NUP153: variants seen among roughly 807,000 people sequenced by gnomAD.
The protein encoded by NUP153 is nuclear pore complex protein Nup153.
NUP153 carries 27 observed loss-of-function variants against 134.6 expected under a neutral mutation model. The ratio of observed to expected loss-of-function variants is 0.20; its 90% CI spans 0.15 to 0.28. The LOEUF (loss-of-function observed/expected upper bound fraction) is 0.28, where lower values mean the gene tolerates loss of function less well. NUP153 is among the 10% of genes least tolerant of loss of function. The probability of loss-of-function intolerance (pLI) is 1.00; values close to 1 mark genes in which losing one functional copy is unlikely to be tolerated. For missense variants in NUP153, 1,821 were observed against 1,731.3 expected, an observed-to-expected ratio of 1.05 and a Z score of -0.92; for synonymous variants, 640 against 623.5, an observed-to-expected ratio of 1.03 and a Z score of -0.40.
chr6:17,649,378 T>A, intron 11 of NUP153, 78 bp from the exon 12 acceptor site: 1 of 1,370,662 alleles, frequency 7.3e-7, no homozygotes, highest in Non-Finnish European at 1.0e-6. Context: ...AGCATGAAAG[T>A]ATACAGGAAG....
At chr6:17,617,890 T>C (rs923151370) in intron 20 of NUP153, among the ~76,000 whole-genome samples, 8 of 152,088 alleles carry the variant, frequency 5.3e-5, no homozygotes, top group Non-Finnish European at 1.0e-4. Flanking sequence ...AATTCTCCTC[T>C]TCCACCGCAC....
chr6:17,639,961 A>G lies in NUP153; in HGVS notation c.1824T>C (p.Val608=). Residue 608 remains valine (V), a synonymous_variant, in exon 15 of 22, where the codon GTT becomes GTC. Transcript: ENST00000262077. The part of the protein sequence containing the change: ...RPAEILKEGS[V]LDILKSPGFA... ...TACCAGGGCTTTTCAGAATATCTAG[A>G]ACACTTCCTTCTTTCAGGATTTCTG... 6.2e-7 allele frequency: 1 copy of G among 1,610,794 alleles called. No homozygotes were observed. Among genetic ancestry groups the G allele is most frequent in the Non-Finnish European group, 8.5e-7 (1 of 1,178,904 alleles).
At chr6:17,702,887 T>C (rs1049328211) in intron 1 of NUP153, among the ~76,000 whole-genome samples, 34 of 125,714 alleles carry the variant, frequency 2.7e-4, no homozygotes, top group African/African-American at 4.3e-4. Context: ...CACAACTTCA[T>C]GCAAGATGAC....
chr6:17,687,575 A>T (rs1769010035), intron 2 of NUP153, among the ~76,000 whole-genome samples: 1 of 152,220 alleles, frequency 6.6e-6, no homozygotes, highest in Non-Finnish European at 1.5e-5. Context: ...CCATTCTTTC[A>T]GGGCCATTTC....
At chr6:17,644,157 C>G (rs764105863) in intron 14 of NUP153, among the ~76,000 whole-genome samples, 3 of 152,094 alleles carry the variant, frequency 2.0e-5, no homozygotes, top group Non-Finnish European at 2.9e-5. Flanking sequence ...AAAGATATTT[C>G]TTTAGCTTCT....
chr6:17,704,840 AGCTCC>A (rs776868910), intron 1 of NUP153, among the ~76,000 whole-genome samples: 5 of 151,854 alleles, frequency 3.3e-5, no homozygotes, highest in Non-Finnish European at 5.9e-5. Context: ...GCTCACGGCA[AGCTCC>A]GCCTCCCGGG....
chr6:17,695,132 T>C lies in NUP153; in HGVS notation c.112-6514A>G, dbSNP rs529185943. ...TAAATCTAGTAAAACTTAAAATAGC[T>C]TTAAATCTCACAAAATTCCCTTTAA... On this transcript the variant is annotated intron_variant, in intron 1 of 21. Coordinates refer to ENST00000262077, the MANE Select transcript of NUP153 (RefSeq NM_005124.4). Among the ~76,000 whole-genome samples the C allele has an allele frequency of 2.0e-5, 3 of 152,330 alleles. No individual in the cohort carries two copies. In the East Asian group the frequency reaches 5.8e-4, roughly 29 times the overall value.
At chr6:17,667,765 G>T (rs1767628172) in intron 8 of NUP153, among the ~76,000 whole-genome samples, 1 of 152,118 alleles carries the variant, frequency 6.6e-6, no homozygotes, top group African/African-American at 2.4e-5. Context: ...TTCCCTGAAG[G>T]ATGCTTAACC....
chr6:17,691,473 A>G (rs1769270120), intron 1 of NUP153, among the ~76,000 whole-genome samples: 1 of 152,084 alleles, frequency 6.6e-6, no homozygotes, highest in African/African-American at 2.4e-5. Context: ...ACAGTTTAAG[A>G]CAGACTTAAG....
chr6:17,668,860 T>C, intron 8 of NUP153, 115 bp downstream of exon 8: 1 of 697,762 alleles, frequency 1.4e-6, no homozygotes, highest in Non-Finnish European at 2.4e-6. Context: ...AAAAGAATAT[T>C]ATTTTTCAAA....
intron 16 of NUP153, among the ~76,000 whole-genome samples, chr6:17,635,099 C>CTTTTTTTTTTTTTTTTT (rs1765469923): frequency 7.4e-6 from 1 of 135,076 alleles, no homozygotes; most frequent in African/African-American, 2.7e-5. Flanking sequence ...CACAGCTTGG[C>CTTTTTTTTTTTTTTTTT]TTATCTTTTT....
intron 1 of NUP153, among the ~76,000 whole-genome samples, chr6:17,705,899 A>G (rs1189338544): frequency 6.6e-6 from 1 of 152,118 alleles, no homozygotes; most frequent in East Asian, 1.9e-4. Flanking sequence ...AAGGGCCATC[A>G]ACCACATCTT....
At position 17,625,731 on chromosome 6, in the gene NUP153, T is replaced by G; in HGVS notation, c.3901+77A>C. On this transcript the variant is annotated intron_variant, in intron 19 of 21. Coordinates refer to ENST00000262077, the MANE Select transcript of NUP153 (RefSeq NM_005124.4). This position sits in a 1 kb window ranked among gnomAD's most constrained non-coding sequence, Gnocchi z 4.7. ...CACCATTTTGTGATAACCTGCTATA[T>G]GATATTCGCTAAGAACTGACACACT... 8.2e-5 allele frequency: 91 copies of G among 1,110,788 alleles called. No individual in the cohort carries two copies. The highest frequency in any genetic ancestry group is 2.0e-4 in the Middle Eastern group (1 of 4,918). The allele number at this position is 1,110,788 out of a possible 1,614,324, so 68.8% of individuals were successfully genotyped here.
Position 17,638,875 on chromosome 6 carries a change from C to G in NUP153, c.1846+1064G>C, listed in dbSNP as rs921634140. Among the ~76,000 whole-genome samples the G allele has an allele frequency of 6.6e-5, 10 of 152,118 alleles. No homozygotes were observed. The highest frequency in any genetic ancestry group is 2.4e-4 in the African/African-American group (10 of 41,396). Reference sequence around the variant, plus strand: ...ATGGAACTGTCCAAGCTACTGGACTCCTGTAGGCAGTATACTTATCTATAA... The same window carrying G: ...ATGGAACTGTCCAAGCTACTGGACTGCTGTAGGCAGTATACTTATCTATAA... On this transcript the variant is annotated intron_variant, in intron 15 of 21. Transcript: ENST00000262077. The surrounding 1 kb of genome is among the most constrained non-coding windows in gnomAD (Gnocchi z 4.0).
At chr6:17,652,115 T>C (rs1210428734) in intron 11 of NUP153, among the ~76,000 whole-genome samples, 1 of 151,984 alleles carries the variant, frequency 6.6e-6, no homozygotes, top group Non-Finnish European at 1.5e-5. Context: ...AGTTGGCAAT[T>C]TTAACCCCCA....
chr6:17,689,273 G>A (rs1020393193), intron 1 of NUP153, among the ~76,000 whole-genome samples: 1 of 152,016 alleles, frequency 6.6e-6, no homozygotes, highest in African/African-American at 2.4e-5. Context: ...TATAATCCCA[G>A]CTACTCAGGA....
At chr6:17,655,664 G>C (rs764335277) in intron 11 of NUP153, among the ~76,000 whole-genome samples, 1 of 151,822 alleles carries the variant, frequency 6.6e-6, no homozygotes, top group Non-Finnish European at 1.5e-5. Context: ...ATGTTGGCCA[G>C]GCTGGTCTCG....
At chr6:17,622,173 G>A (rs951026902) in intron 20 of NUP153, among the ~76,000 whole-genome samples, 3 of 152,066 alleles carry the variant, frequency 2.0e-5, no homozygotes, top group Admixed American at 6.6e-5. Context: ...ATCTTGGCTG[G>A]GCACAGTAGC....
rs776389532 is a variant in NUP153, at chr6:17,675,811, A to C, written c.335-41T>G. ...TTAATATTATGAATATACAACTTAG[A>C]GCGATACACTACCACAAATGGTTTT... On this transcript the variant is annotated intron_variant, in intron 2 of 21. Transcript: ENST00000262077. The surrounding 1 kb of genome is among the most constrained non-coding windows in gnomAD (Gnocchi z 4.4). 2.5e-6 allele frequency: 4 copies of C among 1,578,388 alleles called. No homozygotes were observed. In the East Asian group the frequency reaches 8.9e-5, roughly 35 times the overall value.
Sources: allele counts gnomAD v4.1 joint callset (sites outside exome capture counted in the v4.1 genomes callset), GRCh38; gene constraint gnomAD v4.1.1; non-coding constraint Gnocchi (gnomAD v3.1); transcripts MANE v1.5; gene names NCBI Gene and HGNC (gene_info 2026-07-23, HGNC 2026-07-21).